Variants in HMGN5 observed in about 807,000 individuals in gnomAD.
HMGN5 encodes the protein high mobility group nucleosome binding domain 5.
In HMGN5, 4 loss-of-function variants were observed where a neutral mutation model predicts 9.5. The ratio of observed to expected loss-of-function variants is 0.42; its 90% CI spans 0.21 to 0.96. The LOEUF is 0.96. Among genes scored for constraint, HMGN5 ranks in the 40% least tolerant of loss-of-function variants. The pLI is 0.30. For synonymous variants in HMGN5, 55 were observed against 57.1 expected (o/e 0.96, Z 0.16); for missense variants, 192 against 187.5 (o/e 1.02, Z -0.14).
At chrX:81,147,324 A>C (rs2075347787) in intron 1 of HMGN5, among the ~76,000 whole-genome samples, 1 of 111,940 alleles carries the variant, frequency 8.9e-6, no homozygotes, top group African/African-American at 3.2e-5. Flanking sequence ...CATCCCTGGG[A>C]GGCAAGGATG....
At chrX:81,129,965 C>A (rs2075294147) in intron 1 of HMGN5, among the ~76,000 whole-genome samples, 1 of 111,794 alleles carries the variant, frequency 8.9e-6, no homozygotes, top group Non-Finnish European at 1.9e-5. Context: ...CCTGGCTTGA[C>A]AGCATTCTGA....
chrX:81,196,526 G>A (rs1001125106), intron 1 of HMGN5, among the ~76,000 whole-genome samples: 5 of 107,659 alleles, frequency 4.6e-5, no homozygotes, highest in African/African-American at 1.1e-4. Context: ...GAGATCTCAT[G>A]GGTTTTTTTT....
Position 81,148,150 on chromosome X carries a change from A to G in HMGN5, c.-123-26478T>C, listed in dbSNP as rs1330985230. ...AAAATTACTTGAACTTTCATATGGA[A>G]CCAAAAAAGAACCTGCATAGCCAAG... On this transcript the variant is annotated intron_variant, in intron 1 of 6. Coordinates refer to ENST00000358130, the MANE Select transcript of HMGN5 (RefSeq NM_030763.3). Among the ~76,000 whole-genome samples, 3 of 112,153 alleles carry G rather than the reference A, an allele frequency of 2.7e-5. No homozygotes were observed. The East Asian group carries it at 8.4e-4, about 31-fold the overall frequency.
chrX:81,185,068 A>G (rs1446775060), intron 1 of HMGN5, among the ~76,000 whole-genome samples: 3 of 111,332 alleles, frequency 2.7e-5, no homozygotes, highest in Non-Finnish European at 5.7e-5. Context: ...TGATTCCTCC[A>G]GTTCTGTTCT....
chrX:81,132,500 A>G (rs1342310443), intron 1 of HMGN5, among the ~76,000 whole-genome samples: 1 of 111,718 alleles, frequency 9.0e-6, no homozygotes, highest in Non-Finnish European at 1.9e-5. Context: ...TGGTACTGGC[A>G]TAGACCAATG....
chrX:81,191,372 T>C (rs2075493781), intron 1 of HMGN5, among the ~76,000 whole-genome samples: 1 of 112,137 alleles, frequency 8.9e-6, no homozygotes, highest in African/African-American at 3.2e-5. Context: ...AGAAGTTTAA[T>C]ATTTCACCAC....
chrX:81,149,240 A>G (rs1000984677), intron 1 of HMGN5, among the ~76,000 whole-genome samples: 1 of 111,771 alleles, frequency 8.9e-6, no homozygotes, highest in Admixed American at 9.5e-5. Flanking sequence ...AATGTCCACC[A>G]ATGGTAGAGT....
At chrX:81,123,676 G>A (rs770178916) in intron 1 of HMGN5, among the ~76,000 whole-genome samples, 40 of 112,402 alleles carry the variant, frequency 3.6e-4, no homozygotes, top group Non-Finnish European at 6.2e-4. Context: ...TTATGAAAAT[G>A]CGAAACCCTG....
chrX:81,126,236 C>T (rs772733394), intron 1 of HMGN5, among the ~76,000 whole-genome samples: 4 of 108,286 alleles, frequency 3.7e-5, no homozygotes, highest in African/African-American at 1.4e-4. Context: ...AGCAATTACA[C>T]AGTTTATACA....
intron 1 of HMGN5, 89 bp from the exon 2 acceptor site, chrX:81,121,761 C>A (rs1177682954): frequency 5.8e-6 from 2 of 343,741 alleles, no homozygotes; most frequent in African/African-American, 2.7e-5. Flanking sequence ...GGAGTGGGAG[C>A]CACATTGGAG....
At chrX:81,133,386 T>C (rs1200710334) in intron 1 of HMGN5, among the ~76,000 whole-genome samples, 1 of 111,572 alleles carries the variant, frequency 9.0e-6, no homozygotes, top group Non-Finnish European at 1.9e-5. Context: ...TAAATCATTC[T>C]ATTATAAAGA....
chrX:81,167,422 T>C (rs761833945), intron 1 of HMGN5, among the ~76,000 whole-genome samples: 52 of 109,147 alleles, frequency 4.8e-4, no homozygotes, highest in African/African-American at 1.7e-3. Flanking sequence ...TGAAATACAT[T>C]TTATGGCTTT....
intron 1 of HMGN5, among the ~76,000 whole-genome samples, chrX:81,188,654 G>T (rs1014646926): frequency 2.4e-4 from 26 of 108,050 alleles, no homozygotes; most frequent in Non-Finnish European, 4.4e-4. Flanking sequence ...AGGCCCTGAT[G>T]TGTGATGTTC....
chrX:81,169,988 A>T (rs2075421063), intron 1 of HMGN5, among the ~76,000 whole-genome samples: 1 of 99,969 alleles, frequency 1.0e-5, no homozygotes, highest in African/African-American at 3.7e-5. Flanking sequence ...CAGGAGGCGG[A>T]GGTTGCACTG....
In HMGN5 at chrX:81,188,263, ATATTATTATTATTAT is replaced by A. The variant is rs558790724; in HGVS notation, c.-124+13459_-124+13473del. 1.5e-4 allele frequency among the ~76,000 whole-genome samples: 13 copies of A among 86,969 alleles called. No homozygotes were observed. The South Asian group carries it at 3.4e-3, about 23-fold the overall frequency. 75.5% of individuals were successfully genotyped at this position (86,969 alleles called of 115,157 possible). Reference sequence around the variant, plus strand: ...ACAGGCATGTGCCACTGTGCACAGAATATTATTATTATTATTATTATTATTATTATTATTATTATT... The same window carrying A: ...ACAGGCATGTGCCACTGTGCACAGAATATTATTATTATTATTATTATTATT... On this transcript the variant is annotated intron_variant, in intron 1 of 6. Coordinates refer to ENST00000358130, the MANE Select transcript of HMGN5 (RefSeq NM_030763.3).
intron 1 of HMGN5, among the ~76,000 whole-genome samples, chrX:81,137,858 C>T (rs946817278): frequency 4.5e-5 from 5 of 111,194 alleles, no homozygotes; most frequent in Admixed American, 1.9e-4. Flanking sequence ...GGGAATGAAA[C>T]AGGAGATAGC....
At position 81,190,144 on chromosome X, in the gene HMGN5, CGTATATTTT is replaced by C. The variant is rs1157931124; in HGVS notation, c.-124+11584_-124+11592del. Among the ~76,000 whole-genome samples the C allele has an allele frequency of 3.6e-5, 4 of 111,165 alleles. No homozygotes were observed. In the East Asian group the frequency reaches 8.4e-4, roughly 23 times the overall value. On this transcript the variant is annotated intron_variant, in intron 1 of 6. Transcript: ENST00000358130. ...TTCTTATTGTTGAGTTTTAAGTATT[CGTATATTTT>C]GTATATTTTGTTATTTGTATATTTT... is the stretch of plus-strand genomic sequence containing the variant.
intron 1 of HMGN5, among the ~76,000 whole-genome samples, chrX:81,164,997 T>C (rs1328019026): frequency 9.0e-6 from 1 of 111,541 alleles, no homozygotes; most frequent in East Asian, 2.8e-4. Context: ...AGGTGCTTAA[T>C]GTGAAATTTT....
chrX:81,130,998 A>C (rs1397911963), intron 1 of HMGN5, among the ~76,000 whole-genome samples: 5 of 111,638 alleles, frequency 4.5e-5, no homozygotes, highest in African/African-American at 1.3e-4. Flanking sequence ...TCATGAGGCA[A>C]AGACAAACAA....
Sources: allele counts gnomAD v4.1 joint callset (sites outside exome capture counted in the v4.1 genomes callset), GRCh38; gene constraint gnomAD v4.1.1; transcripts MANE v1.5; gene names NCBI Gene and HGNC (gene_info 2026-07-23, HGNC 2026-07-21).